The following ADGB variants were observed in gnomAD, a reference collection of about 807,000 sequenced individuals.
The protein encoded by ADGB is calpain-7-like protein.
ADGB carries 172 observed loss-of-function variants against 210.5 expected under a neutral mutation model. That is an observed-to-expected ratio of 0.82 (90% CI 0.72 to 0.93). The LOEUF is 0.93. ADGB is among the 40% of genes least tolerant of loss of function. The pLI, the probability that ADGB is intolerant of heterozygous loss-of-function variation, is 0.00. For synonymous variants in ADGB, 658 were observed against 662.7 expected (o/e 0.99, Z 0.11); for missense variants, 2,025 against 1,964.8 (o/e 1.03, Z -0.58).
chr6:146,685,782 C>T lies in ADGB; in HGVS notation c.1265C>T (p.Thr422Ile), dbSNP rs944932291. 2 of 1,542,072 alleles carry T rather than the reference C, an allele frequency of 1.3e-6. No homozygotes were observed. The highest frequency in any genetic ancestry group is 4.0e-5 in the Admixed American group (2 of 49,386). The change falls in exon 10 of 36, where the codon ACA becomes ATA. Residue 422 changes from threonine to isoleucine, a missense_variant. Thr to Ile is a moderately conservative substitution (Grantham distance 89). Transcript: ENST00000397944. The stretch of plus-strand genomic sequence containing the variant: ...CATATGGTCGTATATGCGACATTTA[C>T]ACCTCTTTATTTGTTTGAAAACAAG... Reference protein sequence around the residue: ...TSHMVVYATFTPLYLFENKIF... With the variant: ...TSHMVVYATFIPLYLFENKIF...
intron 30 of ADGB, among the ~76,000 whole-genome samples, chr6:146,784,197 T>A (rs917913116): frequency 6.6e-6 from 1 of 152,172 alleles, no homozygotes; most frequent in Non-Finnish European, 1.5e-5. Flanking sequence ...ACACCTCATC[T>A]CCTGGTAACA....
At chr6:146,710,117 T>C (rs1476070749) in intron 13 of ADGB, among the ~76,000 whole-genome samples, 1 of 150,876 alleles carries the variant, frequency 6.6e-6, no homozygotes, top group African/African-American at 2.4e-5. Flanking sequence ...ATCTCAATCA[T>C]ATATAATCAT....
At position 146,746,752 on chromosome 6, in the gene ADGB, T is replaced by C. The variant is rs1444307913; in HGVS notation, c.3365+643T>C. Among the ~76,000 whole-genome samples the C allele has an allele frequency of 3.9e-5, 6 of 152,194 alleles. No homozygotes were observed. The South Asian group carries it at 1.2e-3, about 31-fold the overall frequency. On this transcript the variant is annotated intron_variant, in intron 26 of 35. Coordinates refer to ENST00000397944, the MANE Select transcript of ADGB (RefSeq NM_024694.4). ...CTTTTAAACCTTTGATAACGTTCCA[T>C]TGACTACAGATAAACTCCGAAGCAC...
chr6:146,780,122 AG>A (rs1325911876), intron 29 of ADGB, among the ~76,000 whole-genome samples: 4 of 152,042 alleles, frequency 2.6e-5, no homozygotes, highest in African/African-American at 9.7e-5. Flanking sequence ...ACGTGAACAA[AG>A]TTTTTGTATA....
intron 29 of ADGB, among the ~76,000 whole-genome samples, chr6:146,772,792 GA>G (rs1016016457): frequency 2.7e-5 from 4 of 149,622 alleles, no homozygotes; most frequent in African/African-American, 4.9e-5. Context: ...GGGATATTTA[GA>G]AAAAAAAATG....
chr6:146,736,323 C>G (rs12200571), intron 22 of ADGB, among the ~76,000 whole-genome samples, 175 bp from the exon 23 acceptor site: 7,880 of 152,180 alleles, frequency 0.052, 296 homozygotes, highest in Non-Finnish European at 0.081. Flanking sequence ...GAGCTCTTGA[C>G]TAGAAGTTTG....
intron 16 of ADGB, among the ~76,000 whole-genome samples, chr6:146,718,346 CAAAAAAAAAAA>C (rs34547633): frequency 1.2e-5 from 1 of 80,158 alleles, no homozygotes; most frequent in African/African-American, 4.6e-5. Flanking sequence ...GATTCCATCT[CAAAAAAAAAAA>C]AAAAAAAAAA....
chr6:146,760,596 G>A (rs1777473219), intron 27 of ADGB, among the ~76,000 whole-genome samples: 1 of 151,710 alleles, frequency 6.6e-6, no homozygotes, highest in Non-Finnish European at 1.5e-5. Flanking sequence ...TTGGACTTAT[G>A]TTTTCATTTC....
At chr6:146,625,903 C>G (rs915510925) in intron 1 of ADGB, among the ~76,000 whole-genome samples, 1 of 151,992 alleles carries the variant, frequency 6.6e-6, no homozygotes, top group African/African-American at 2.4e-5. Context: ...GGTTAAATTA[C>G]ATTTAATGTG....
intron 5 of ADGB, among the ~76,000 whole-genome samples, chr6:146,663,711 T>G (rs1775899353): frequency 6.6e-6 from 1 of 152,132 alleles, no homozygotes; most frequent in South Asian, 2.1e-4. Context: ...CTCTGTGGTT[T>G]CTTGTTGATC....
At chr6:146,738,438 C>CTTTTTTTTTTTTTTTT (rs71031008) in intron 23 of ADGB, among the ~76,000 whole-genome samples, 10 of 71,332 alleles carry the variant, frequency 1.4e-4, no homozygotes, top group African/African-American at 4.9e-4. Flanking sequence ...CCCATTTCAT[C>CTTTTTTTTTTTTTTTT]TTTTTTTTTT....
chr6:146,721,559 A>G, intron 17 of ADGB, 54 bp downstream of exon 17: 1 of 1,248,432 alleles, frequency 8.0e-7, no homozygotes, highest in Non-Finnish European at 1.1e-6. Context: ...TGTTCAGGCT[A>G]GGGCGTGGTG....
At chr6:146,807,589 C>T (rs1778232078) in intron 35 of ADGB, 1 of 1,536,558 alleles carries the variant, frequency 6.5e-7, no homozygotes. Flanking sequence ...AAAAAGTAAC[C>T]AGGGGATGTC....
At chr6:146,713,067 C>T (rs779141175) in intron 13 of ADGB, among the ~76,000 whole-genome samples, 1 of 152,158 alleles carries the variant, frequency 6.6e-6, no homozygotes, top group Non-Finnish European at 1.5e-5. Flanking sequence ...AGGTTTCACC[C>T]GTGTTTGTAC....
At chr6:146,748,156 C>T (rs114241268) in intron 26 of ADGB, among the ~76,000 whole-genome samples, 1,954 of 151,574 alleles carry the variant, frequency 0.013, 34 homozygotes, top group African/African-American at 0.045. Context: ...TCATAAAAGA[C>T]GTGGAATATG....
chr6:146,775,017 C>T (rs1777701381), intron 29 of ADGB, among the ~76,000 whole-genome samples: 1 of 152,198 alleles, frequency 6.6e-6, no homozygotes, highest in Middle Eastern at 3.4e-3. Context: ...AAGCAATCCA[C>T]TCATCTCGGC....
chr6:146,691,500 A>ATTTTTTTTTT (rs71031007), intron 11 of ADGB, among the ~76,000 whole-genome samples: 6 of 13,640 alleles, frequency 4.4e-4, no homozygotes, highest in Admixed American at 1.7e-3. Context: ...ATATATATAT[A>ATTTTTTTTTT]TTTTTTTTTT....
intron 1 of ADGB, among the ~76,000 whole-genome samples, chr6:146,613,370 T>C (rs1490103098): frequency 2.0e-5 from 3 of 152,198 alleles, no homozygotes; most frequent in Non-Finnish European, 4.4e-5. Flanking sequence ...CCCAAAATAA[T>C]TCAATTGTGT....
At chr6:146,603,070 C>T (rs1780583005) in intron 1 of ADGB, among the ~76,000 whole-genome samples, 2 of 152,094 alleles carry the variant, frequency 1.3e-5, no homozygotes, top group South Asian at 2.1e-4. Flanking sequence ...GAGGTCCCAC[C>T]CTCATAACCT....
Sources: gnomAD v4.1 joint callset for allele counts (sites outside exome capture counted in the v4.1 genomes callset) on GRCh38, gnomAD v4.1.1 for gene constraint, MANE v1.5 for transcripts, NCBI Gene and HGNC (gene_info 2026-07-23, HGNC 2026-07-21) for gene names.